The following AKR1A1 variants were observed in gnomAD, a reference collection of about 807,000 sequenced individuals.
The protein encoded by AKR1A1 is aldo-keto reductase family 1 member A1, also known as HEL-S-165mP.
AKR1A1 carries 26 observed loss-of-function variants against 39.2 expected under a neutral mutation model. The ratio of observed to expected loss-of-function variants is 0.66; its 90% CI spans 0.49 to 0.92. The LOEUF is 0.92. Ranked by LOEUF, AKR1A1 falls within the 40% of genes least tolerant of loss-of-function variation. AKR1A1 has a pLI of 0.00. For missense variants in AKR1A1, 378 were observed against 406.5 expected (o/e 0.93, Z 0.60); for synonymous variants, 141 against 155.5 (o/e 0.91, Z 0.69).
chr1:45,564,431 G>A (rs1471308043), intron 2 of AKR1A1, among the ~76,000 whole-genome samples: 3 of 152,128 alleles, frequency 2.0e-5, no homozygotes, highest in Non-Finnish European at 4.4e-5. Context: ...TGCTGATGCC[G>A]TGTTTCCAGT....
At chr1:45,567,917 G>A (rs774054486) in intron 4 of AKR1A1, 65 bp from the exon 5 acceptor site, 20 of 1,454,152 alleles carry the variant, frequency 1.4e-5, no homozygotes, top group Middle Eastern at 1.9e-4. Flanking sequence ...AGAGTGGCTG[G>A]ATGGGCAGGT....
Position 45,566,626 on chromosome 1 carries a change from G to C in AKR1A1, c.142G>C (p.Ala48Pro). ...AGGCTACCGCCACATTGATTGTGCT[G>C]CTATCTACGGCAATGAGCCTGAGAT... ...SVGYRHIDCA[A>P]IYGNEPEIGE... The change falls in exon 3 of 9, where the codon GCT (alanine) becomes CCT (proline). Residue 48 changes from alanine (A) to proline (P), a missense_variant. Ala to Pro is a conservative substitution (Grantham distance 27, BLOSUM62 -1). Coordinates refer to ENST00000351829, the MANE Select transcript of AKR1A1 (RefSeq NM_153326.3). The C allele has an allele frequency of 6.2e-7, 1 of 1,614,260 alleles. No individual in the cohort carries two copies. The highest frequency in any genetic ancestry group is 1.1e-5 in the South Asian group (1 of 91,088).
chr1:45,562,001 C>A, intron 2 of AKR1A1, 123 bp downstream of exon 2: 4 of 932,080 alleles, frequency 4.3e-6, no homozygotes, highest in East Asian at 5.1e-5. Context: ...GAGAAGACAC[C>A]AATTATACAT....
chr1:45,564,090 A>C (rs993668908), intron 2 of AKR1A1, among the ~76,000 whole-genome samples: 1 of 152,202 alleles, frequency 6.6e-6, no homozygotes, highest in East Asian at 1.9e-4. Flanking sequence ...AGATTCTTCT[A>C]TCTGGGATTT....
At chr1:45,556,504 C>T (rs1033298779) in intron 1 of AKR1A1, among the ~76,000 whole-genome samples, 35 of 151,960 alleles carry the variant, frequency 2.3e-4, no homozygotes, top group African/African-American at 8.2e-4. Context: ...TCACTTGAAC[C>T]TGGGAAGTGG....
At chr1:45,565,855 T>C (rs75539705) in intron 2 of AKR1A1, among the ~76,000 whole-genome samples, 1,659 of 152,058 alleles carry the variant, frequency 0.011, 29 homozygotes, top group African/African-American at 0.038. Flanking sequence ...CTTCAAGCAA[T>C]GCTCCCATGT....
At chr1:45,561,527 C>A (rs951946617) in intron 1 of AKR1A1, among the ~76,000 whole-genome samples, 3 of 152,138 alleles carry the variant, frequency 2.0e-5, no homozygotes, top group Non-Finnish European at 4.4e-5. Flanking sequence ...CCTCAGCCCC[C>A]CGAGCAGCTG....
rs563454752 is a variant in AKR1A1 at position 45,559,803 on chromosome 1, A to G, written c.-6-1986A>G. 6.0e-5 allele frequency among the ~76,000 whole-genome samples: 9 copies of G among 148,888 alleles called. No homozygotes were observed. The South Asian group carries it at 1.7e-3, about 28-fold the overall frequency. ...GCTGGGATTATAGGCACCCGCCACCATGCCCGGCTAATTTTTCTATTTTTA... is the reference window on the plus strand; with the variant it reads ...GCTGGGATTATAGGCACCCGCCACCGTGCCCGGCTAATTTTTCTATTTTTA... On this transcript the variant is annotated intron_variant, in intron 1 of 8. Transcript: ENST00000351829.
intron 8 of AKR1A1, 67 bp downstream of exon 8, chr1:45,569,296 T>C: frequency 7.5e-7 from 1 of 1,337,012 alleles, no homozygotes; most frequent in East Asian, 2.3e-5. Flanking sequence ...GGCCCAGGTG[T>C]GACCTAAGGC....
chr1:45,557,191 A>G (rs1194818371), intron 1 of AKR1A1, among the ~76,000 whole-genome samples: 1 of 152,124 alleles, frequency 6.6e-6, no homozygotes, highest in Non-Finnish European at 1.5e-5. Context: ...ACTCTATCTC[A>G]AAAAAATAAA....
intron 1 of AKR1A1, among the ~76,000 whole-genome samples, chr1:45,558,430 G>C (rs1475400508): frequency 2.5e-5 from 3 of 120,522 alleles, no homozygotes; most frequent in Non-Finnish European, 3.3e-5. Context: ...ATGGAGTCTT[G>C]CTCTGTCACC....
chr1:45,556,020 A>C (rs941721972), intron 1 of AKR1A1, among the ~76,000 whole-genome samples: 2 of 152,108 alleles, frequency 1.3e-5, no homozygotes, highest in African/African-American at 4.8e-5. Flanking sequence ...CCCTGAAGGG[A>C]CCTTTCCTTT....
At chr1:45,569,326 C>A in intron 8 of AKR1A1, 97 bp downstream of exon 8, 1 of 1,008,404 alleles carries the variant, frequency 9.9e-7, no homozygotes, top group Admixed American at 1.8e-5. Context: ...GTGAGAAGGA[C>A]ACAATGTTGT....
chr1:45,565,419 C>T (rs1044850489), intron 2 of AKR1A1, among the ~76,000 whole-genome samples: 3 of 151,616 alleles, frequency 2.0e-5, no homozygotes, highest in African/African-American at 7.3e-5. Context: ...TGTGAGCCAC[C>T]GCGCCTGGCT....
At chr1:45,569,653 G>A (rs893332505) in intron 8 of AKR1A1, among the ~76,000 whole-genome samples, 2 of 152,140 alleles carry the variant, frequency 1.3e-5, no homozygotes, top group African/African-American at 4.8e-5. Flanking sequence ...CTGGCCTCTT[G>A]ATCTCAGTTC....
At position 45,569,956 on chromosome 1, in the gene AKR1A1, A is replaced by T; in HGVS notation, c.978A>T (p.Ter326CysextTer?). 2 of 1,613,994 alleles carry T rather than the reference A, an allele frequency of 1.2e-6. No individual in the cohort carries two copies. Among genetic ancestry groups the T allele is most frequent in the South Asian group, 2.2e-5 (2 of 91,080 alleles). The part of the protein sequence containing the change: ...HPLYPFNDPY[*>C] Reference sequence around the variant, plus strand: ...TGTACCCCTTTAATGACCCGTACTGAGACCACAGCTTCTTGGCCTCCCTTC... The same window carrying T: ...TGTACCCCTTTAATGACCCGTACTGTGACCACAGCTTCTTGGCCTCCCTTC... Residue 326 changes from the stop codon to cysteine, a stop_lost, in exon 9 of 9, where the codon TGA becomes TGT. Transcript: ENST00000351829.
intron 1 of AKR1A1, among the ~76,000 whole-genome samples, chr1:45,558,856 C>G (rs974759680): frequency 2.6e-5 from 4 of 152,140 alleles, no homozygotes; most frequent in Non-Finnish European, 5.9e-5. Context: ...CTTGCTCTAT[C>G]CTACATCCTT....
In AKR1A1 at chr1:45,566,981, A is replaced by G; in HGVS notation, c.317A>G (p.Tyr106Cys). The G allele has an allele frequency of 1.2e-6, 2 of 1,614,264 alleles. No homozygotes were observed. The highest frequency in any genetic ancestry group is 1.1e-5 in the South Asian group (1 of 91,092). Residue 106 changes from tyrosine to cysteine, a missense_variant, in exon 4 of 9, where the codon TAT becomes TGT. Physicochemically the swap from Tyr to Cys is radical, Grantham distance 194. Transcript: ENST00000351829. ...ACTCTGGCTGACCTCCAGCTGGAGT[A>G]TCTGGACCTGTACCTGATGCACTGG... is the stretch of plus-strand genomic sequence containing the variant. ...RKTLADLQLE[Y>C]LDLYLMHWPY...
At position 45,565,122 on chromosome 1, in the gene AKR1A1, A is replaced by ATT. The variant is rs11351880; in HGVS notation, c.85-1423_85-1422dup. On this transcript the variant is annotated intron_variant, in intron 2 of 8. Coordinates refer to ENST00000351829, the MANE Select transcript of AKR1A1 (RefSeq NM_153326.3). Reference sequence around the variant, plus strand: ...CAGGCGTGAGCCACCACACCCAGCCATTTTTTTTTTTTTTTTTTTTTTTTT... The same window carrying ATT: ...CAGGCGTGAGCCACCACACCCAGCCATTTTTTTTTTTTTTTTTTTTTTTTTTT... Among the ~76,000 whole-genome samples the ATT allele has an allele frequency of 4.4e-3, 233 of 53,546 alleles. 7 individuals carry two copies. Among genetic ancestry groups the ATT allele is most frequent in the East Asian group, 0.022 (35 of 1,584 alleles). 35.1% of individuals were successfully genotyped at this position (53,546 alleles called of 152,430 possible). A position where few individuals can be genotyped will look rare whatever the true frequency, so the allele number is the denominator to read the frequency against.
Sources: allele counts gnomAD v4.1 joint callset (sites outside exome capture counted in the v4.1 genomes callset), GRCh38; gene constraint gnomAD v4.1.1; transcripts MANE v1.5; gene names NCBI Gene and HGNC (gene_info 2026-07-23, HGNC 2026-07-21).